Variants in ARHGAP23 observed in about 807,000 individuals in gnomAD.
ARHGAP23 encodes the protein rho GTPase-activating protein 23.
In ARHGAP23, 34 loss-of-function variants were observed where a neutral mutation model predicts 136.3. The ratio of observed to expected loss-of-function variants is 0.25; its 90% CI spans 0.19 to 0.33. The LOEUF (loss-of-function observed/expected upper bound fraction) is 0.33. Among genes scored for constraint, ARHGAP23 ranks in the 10% least tolerant of loss-of-function variants. The pLI is 1.00. For missense variants in ARHGAP23, 1,808 were observed against 2,139.0 expected, an observed-to-expected ratio of 0.85 and a Z score of 3.05; for synonymous variants, 832 against 920.5, an observed-to-expected ratio of 0.90 and a Z score of 1.74.
In ARHGAP23 at chr17:38,458,383, C is replaced by G. The variant is rs888838634; in HGVS notation, c.225+120C>G. 44 of 1,317,876 alleles carry G rather than the reference C, an allele frequency of 3.3e-5. No individual in the cohort carries two copies. In the Middle Eastern group the frequency reaches 5.7e-4, roughly 17 times the overall value. 81.6% of individuals were successfully genotyped at this position (1,317,876 alleles called of 1,614,324 possible). A position where few individuals can be genotyped will look rare whatever the true frequency, so the allele number is the denominator to read the frequency against. ...TCAGAGAGGCAGTCCTTCCTGGGGTCCGGCCTGACTCCCTTCTGCTGTGGC... is the reference window on the plus strand; with the variant it reads ...TCAGAGAGGCAGTCCTTCCTGGGGTGCGGCCTGACTCCCTTCTGCTGTGGC... On this transcript the variant is annotated intron_variant, in intron 2 of 23. Transcript: ENST00000622683.
intron 1 of ARHGAP23, among the ~76,000 whole-genome samples, chr17:38,447,138 C>A (rs2039051185): frequency 6.6e-6 from 1 of 152,154 alleles, no homozygotes; most frequent in Non-Finnish European, 1.5e-5. Flanking sequence ...TCCACATCCT[C>A]ACCATTAAGA....
At position 38,496,769 on chromosome 17, in the gene ARHGAP23, A is replaced by G. The variant is rs1248514966; in HGVS notation, c.3277-1016A>G. On this transcript the variant is annotated intron_variant, in intron 20 of 23. Transcript: ENST00000622683. ...AGGAGTTGAGACCAGTCTGGCCAACATGACGAAACCCCATCTCTACTAAAA... is the reference window on the plus strand; with the variant it reads ...AGGAGTTGAGACCAGTCTGGCCAACGTGACGAAACCCCATCTCTACTAAAA... Among the ~76,000 whole-genome samples the G allele has an allele frequency of 7.2e-5, 11 of 152,274 alleles. No homozygotes were observed. In the East Asian group the frequency reaches 1.2e-3, roughly 16 times the overall value.
intron 1 of ARHGAP23, among the ~76,000 whole-genome samples, chr17:38,436,329 C>T (rs1310526909): frequency 6.6e-6 from 1 of 152,138 alleles, no homozygotes; most frequent in Non-Finnish European, 1.5e-5. Context: ...TAGGGAAAGC[C>T]TTATCTGAGA....
In ARHGAP23 at chr17:38,477,445, G is replaced by A. The variant is rs570257891; in HGVS notation, c.2119-134G>A. On this transcript the variant is annotated intron_variant, in intron 11 of 23. Transcript: ENST00000622683. The surrounding 1 kb of genome is among the most constrained non-coding windows in gnomAD (Gnocchi z 6.6). ...GGCAGGAGGCTGCCCAGGTCTAGCCGGGTGGAGCAGGGGGCTCCTGGTAGG... is the reference window on the plus strand; with the variant it reads ...GGCAGGAGGCTGCCCAGGTCTAGCCAGGTGGAGCAGGGGGCTCCTGGTAGG... 4.6e-5 allele frequency: 40 copies of A among 872,002 alleles called. No homozygotes were observed. The South Asian group carries it at 1.3e-3, about 27-fold the overall frequency. 54.0% of individuals were successfully genotyped at this position (872,002 alleles called of 1,614,324 possible). A position where few individuals can be genotyped will look rare whatever the true frequency, so the allele number is the denominator to read the frequency against.
chr17:38,461,984 G>A (rs2039470257), intron 3 of ARHGAP23, among the ~76,000 whole-genome samples: 1 of 151,944 alleles, frequency 6.6e-6, no homozygotes. Flanking sequence ...ATGGAGTCTT[G>A]CTCTGTCACC....
chr17:38,439,953 C>T (rs976570439), intron 1 of ARHGAP23, among the ~76,000 whole-genome samples: 1 of 151,908 alleles, frequency 6.6e-6, no homozygotes, highest in East Asian at 1.9e-4. Flanking sequence ...TGGTCTAACT[C>T]CTGACCTTAG....
At chr17:38,420,045 AG>A (rs939972213) in intron 1 of ARHGAP23, among the ~76,000 whole-genome samples, 15 of 152,218 alleles carry the variant, frequency 9.9e-5, no homozygotes, top group African/African-American at 3.4e-4. Context: ...AGGTTTTGGG[AG>A]GGGGGTGCTG....
At chr17:38,493,949 C>T (rs1234092018) in intron 20 of ARHGAP23, among the ~76,000 whole-genome samples, 4 of 152,196 alleles carry the variant, frequency 2.6e-5, no homozygotes, top group Non-Finnish European at 4.4e-5. Flanking sequence ...GCAAAGGCAG[C>T]GATACCTAAT....
At chr17:38,493,019 A>C (rs558947615) in intron 20 of ARHGAP23, among the ~76,000 whole-genome samples, 1 of 152,186 alleles carries the variant, frequency 6.6e-6, no homozygotes. Flanking sequence ...CAAAGCCCCA[A>C]GGGGGAGTCC....
At chr17:38,430,150 G>T (rs955554289) in intron 1 of ARHGAP23, among the ~76,000 whole-genome samples, 7 of 152,082 alleles carry the variant, frequency 4.6e-5, no homozygotes, top group Admixed American at 4.6e-4. Flanking sequence ...GGATTCAAAG[G>T]CCTCAATAAT....
rs1169754582 is a variant in ARHGAP23, at chr17:38,490,537, T to G, written c.3136T>G (p.Ser1046Ala). Residue 1046 changes from serine to alanine, a missense_variant, in exon 19 of 24, where the codon TCT becomes GCT. Ser to Ala is a moderately conservative substitution (Grantham distance 99, BLOSUM62 1). Transcript: ENST00000622683. ...CCATCTCAAGACCATCGCTGACCAC[T>G]CTGAGAAAAACAAGGTGGGTAGGAG... ...VGHLKTIADH[S>A]EKNKMEPRNL... The G allele has an allele frequency of 6.5e-7, 1 of 1,547,192 alleles. No homozygotes were observed. Among genetic ancestry groups the G allele is most frequent in the Non-Finnish European group, 8.7e-7 (1 of 1,144,886 alleles).
chr17:38,510,407 G>A lies in ARHGAP23; in HGVS notation c.3911G>A (p.Arg1304Gln), dbSNP rs927278387. The change falls in exon 24 of 24, where the codon CGG (arginine) becomes CAG (glutamine). Residue 1304 changes from arginine (R) to glutamine (Q), a missense_variant. By Grantham distance (43) the Arg-to-Gln change is conservative (BLOSUM62 1). Transcript: ENST00000622683. The surrounding 1 kb of genome is among the most constrained non-coding windows in gnomAD (Gnocchi z 4.6). ...GAGPGGRLTR[R>Q]PSFSSHHLMP... The stretch of plus-strand genomic sequence containing the variant: ...GGGCCTGGGGGGCGCCTGACACGCC[G>A]GCCGTCCTTCAGCTCGCACCACCTC... The A allele has an allele frequency of 2.5e-5, 31 of 1,239,670 alleles. No individual in the cohort carries two copies. The African/African-American group carries it at 4.1e-4, about 16-fold the overall frequency. 76.8% of individuals were successfully genotyped at this position (1,239,670 alleles called of 1,614,324 possible). A position where few individuals can be genotyped will look rare whatever the true frequency, so the allele number is the denominator to read the frequency against.
intron 22 of ARHGAP23, chr17:38,500,325 C>T (rs1199633175): frequency 3.8e-6 from 2 of 530,754 alleles, no homozygotes; most frequent in Non-Finnish European, 3.4e-6. Flanking sequence ...GCCCCCTTGC[C>T]CTTAGCCATC....
In ARHGAP23 at chr17:38,477,598, G is replaced by T; in HGVS notation, c.2138G>T (p.Arg713Leu). 1 of 1,279,184 alleles carries T rather than the reference G, an allele frequency of 7.8e-7. No individual in the cohort carries two copies. Among genetic ancestry groups the T allele is most frequent in the Non-Finnish European group, 9.9e-7 (1 of 1,008,778 alleles). 79.2% of individuals were successfully genotyped at this position (1,279,184 alleles called of 1,614,324 possible). The stretch of plus-strand genomic sequence containing the variant: ...CTGCAGAAAGCGGGCAGCGGCCTGC[G>T]CCAGTGGAAGCGGGTGTACGCCGCG... ...KKGKKAGSGL[R>L]QWKRVYAALR... Residue 713 changes from arginine (R) to leucine (L), a missense_variant, in exon 12 of 24, where the codon CGC becomes CTC. Physicochemically the swap from Arg to Leu is moderately radical, Grantham distance 102. This residue lies in a region of ARHGAP23 where 139 missense variants were observed against 264.3 expected (regional missense o/e 0.53). Transcript: ENST00000622683. The surrounding 1 kb of genome is among the most constrained non-coding windows in gnomAD (Gnocchi z 6.6).
chr17:38,472,466 T>C (rs890531059), intron 11 of ARHGAP23, among the ~76,000 whole-genome samples: 1 of 152,102 alleles, frequency 6.6e-6, no homozygotes, highest in Non-Finnish European at 1.5e-5. Flanking sequence ...CTTTAAAATA[T>C]TCATTTGGCT....
At chr17:38,508,472 G>C (rs1326678538) in intron 23 of ARHGAP23, among the ~76,000 whole-genome samples, 1 of 152,220 alleles carries the variant, frequency 6.6e-6, no homozygotes, top group Non-Finnish European at 1.5e-5. Flanking sequence ...CCCATGTGCT[G>C]AACTGGGGAA....
At chr17:38,504,519 T>G (rs1351530942) in intron 23 of ARHGAP23, among the ~76,000 whole-genome samples, 2 of 152,228 alleles carry the variant, frequency 1.3e-5, no homozygotes, top group Non-Finnish European at 2.9e-5. Flanking sequence ...CATTCACGAC[T>G]GCCAGCCTCT....
intron 3 of ARHGAP23, among the ~76,000 whole-genome samples, chr17:38,462,048 G>C (rs1312260957): frequency 6.6e-6 from 1 of 151,966 alleles, no homozygotes; most frequent in African/African-American, 2.4e-5. Context: ...CACCTCCCGG[G>C]TTCAAGCAAT....
chr17:38,502,122 G>A (rs1372624189), intron 23 of ARHGAP23, among the ~76,000 whole-genome samples: 3 of 152,148 alleles, frequency 2.0e-5, no homozygotes, highest in East Asian at 3.9e-4. Context: ...TGGCCAACAT[G>A]GTGAAACCCC....
Sources: gnomAD v4.1 joint callset for allele counts (sites outside exome capture counted in the v4.1 genomes callset) on GRCh38, gnomAD v4.1.1 for gene constraint, gnomAD v4.1.1 regional missense constraint, Gnocchi (gnomAD v3.1) non-coding constraint, MANE v1.5 for transcripts, NCBI Gene and HGNC (gene_info 2026-07-23, HGNC 2026-07-21) for gene names.